Variants in PPM1H observed in about 807,000 individuals in gnomAD.
PPM1H encodes the protein protein phosphatase, Mg2+/Mn2+ dependent 1H, also known as protein phosphatase 1H.
In PPM1H, 27 loss-of-function variants were observed where a neutral mutation model predicts 54.9. The observed-to-expected ratio is 0.49, with a 90% CI of 0.36 to 0.68. The LOEUF (loss-of-function observed/expected upper bound fraction) is 0.68, where lower values mean the gene tolerates loss of function less well. Among genes scored for constraint, PPM1H ranks in the 30% least tolerant of loss-of-function variants. The pLI is 0.00. For synonymous variants in PPM1H, 305 were observed against 270.8 expected (o/e 1.13, Z -1.24); for missense variants, 596 against 667.8 (o/e 0.89, Z 1.19).
At chr12:62,930,066 G>A (rs1872086836) in intron 1 of PPM1H, among the ~76,000 whole-genome samples, 1 of 152,160 alleles carries the variant, frequency 6.6e-6, no homozygotes, top group South Asian at 2.1e-4. Flanking sequence ...GAAAGAAATA[G>A]CGGTTTTTGT....
At chr12:62,808,591 A>G (rs1307515741) in intron 2 of PPM1H, among the ~76,000 whole-genome samples, 2 of 151,998 alleles carry the variant, frequency 1.3e-5, no homozygotes, top group Non-Finnish European at 2.9e-5. Flanking sequence ...ATCTCCCCAC[A>G]TTCTAGCCCT....
intron 1 of PPM1H, among the ~76,000 whole-genome samples, chr12:62,878,761 G>A (rs929818093): frequency 2.6e-5 from 4 of 150,976 alleles, no homozygotes; most frequent in South Asian, 2.1e-4. Flanking sequence ...CCAACATGGC[G>A]AAACCCCATC....
At position 62,667,202 on chromosome 12, in the gene PPM1H, T is replaced by G. The variant is rs371593441; in HGVS notation, c.1373A>C (p.Asn458Thr). 5.6e-6 allele frequency: 9 copies of G among 1,601,176 alleles called. No homozygotes were observed. The African/African-American group carries it at 1.2e-4, about 21-fold the overall frequency. ...CCTGTGAGGATCATCTGGATCACAG[T>G]TAGGAAGAAACTGAGTGATTGCTTC... Reference protein sequence around the residue: ...VAEAITQFLPNCDPDDPHRYT... With the variant: ...VAEAITQFLPTCDPDDPHRYT... The change falls in exon 9 of 10, where the codon AAC (asparagine) becomes ACC (threonine). Residue 458 changes from asparagine (N) to threonine (T), a missense_variant. This residue lies in a region of PPM1H where 208 missense variants were observed against 259.5 expected (regional missense o/e 0.80). Coordinates refer to ENST00000228705, the MANE Select transcript of PPM1H (RefSeq NM_020700.2).
At chr12:62,830,811 T>C (rs1023560470) in intron 2 of PPM1H, among the ~76,000 whole-genome samples, 1 of 152,184 alleles carries the variant, frequency 6.6e-6, no homozygotes, top group Non-Finnish European at 1.5e-5. Flanking sequence ...AATAAATCAA[T>C]ACTTATCAAT....
chr12:62,882,527 G>A (rs1592652707), intron 1 of PPM1H, among the ~76,000 whole-genome samples: 1 of 152,238 alleles, frequency 6.6e-6, no homozygotes, highest in African/African-American at 2.4e-5. Flanking sequence ...TGGATCAGAC[G>A]CAGCCCAAGA....
chr12:62,847,406 A>C (rs1869015264), intron 1 of PPM1H, among the ~76,000 whole-genome samples: 1 of 152,226 alleles, frequency 6.6e-6, no homozygotes, highest in Admixed American at 6.5e-5. Flanking sequence ...TTAAACTGCA[A>C]GGGCCGTGAA....
rs1165779202 is a variant in PPM1H, at chr12:62,934,548, G to A, written c.189C>T (p.Arg63=). The part of the protein sequence containing the change: ...EVECSADHIA[R]PILILKETRR... ...GAGTCTCCTTGAGGATGAGGATGGG[G>A]CGGGCGATGTGGTCGGCGCTGCACT... The change falls in exon 1 of 10, where the codon CGC becomes CGT. Residue 63 remains arginine (R), a synonymous_variant. Transcript: ENST00000228705. The surrounding 1 kb of genome is among the most constrained non-coding windows in gnomAD (Gnocchi z 4.2). The A allele has an allele frequency of 3.2e-6, 5 of 1,552,606 alleles. No homozygotes were observed. The highest frequency in any genetic ancestry group is 1.4e-5 in the African/African-American group (1 of 73,122).
intron 8 of PPM1H, among the ~76,000 whole-genome samples, chr12:62,682,628 T>A (rs2076025586): frequency 6.6e-6 from 1 of 152,126 alleles, no homozygotes; most frequent in Non-Finnish European, 1.5e-5. Context: ...CTCAGTCTCC[T>A]GAGTAGCTGA....
At chr12:62,898,385 C>G (rs1871060204) in intron 1 of PPM1H, among the ~76,000 whole-genome samples, 1 of 152,036 alleles carries the variant, frequency 6.6e-6, no homozygotes, top group Admixed American at 6.5e-5. Flanking sequence ...CTCCAAGTGG[C>G]CAAAAATATT....
At chr12:62,826,010 T>G (rs553217791) in intron 2 of PPM1H, among the ~76,000 whole-genome samples, 2 of 152,268 alleles carry the variant, frequency 1.3e-5, no homozygotes, top group African/African-American at 4.8e-5. Flanking sequence ...ACAGTTATAT[T>G]ATTTTCTCTA....
chr12:62,919,371 G>A (rs1871721157), intron 1 of PPM1H, among the ~76,000 whole-genome samples: 2 of 151,430 alleles, frequency 1.3e-5, no homozygotes, highest in African/African-American at 4.9e-5. Context: ...TGTGGTCCAG[G>A]CTCCTTGAAG....
rs74396475 is a variant in PPM1H at position 62,747,917 on chromosome 12, A to T, written c.870-10331T>A. ...AGGTGGGAAAGAGAAAGAGAAAAAA[A>T]TTATACATGCACACACACACAAATA... On this transcript the variant is annotated intron_variant, in intron 4 of 9. Coordinates refer to ENST00000228705, the MANE Select transcript of PPM1H (RefSeq NM_020700.2). Among the ~76,000 whole-genome samples the T allele has an allele frequency of 9.2e-5, 14 of 152,354 alleles. No homozygotes were observed. In the East Asian group the frequency reaches 2.1e-3, roughly 23 times the overall value.
intron 9 of PPM1H, 85 bp from the exon 10 acceptor site, chr12:62,648,721 C>A: frequency 6.9e-7 from 1 of 1,443,492 alleles, no homozygotes; most frequent in South Asian, 1.2e-5. Flanking sequence ...GGGGAGGCAT[C>A]ACTACAGTTG....
intron 1 of PPM1H, among the ~76,000 whole-genome samples, chr12:62,863,466 G>T (rs748739230): frequency 5.3e-5 from 8 of 152,184 alleles, no homozygotes; most frequent in Non-Finnish European, 7.3e-5. Flanking sequence ...TGGCTAAATT[G>T]TTGATCACCT....
At chr12:62,723,113 T>C (rs2076272352) in intron 5 of PPM1H, among the ~76,000 whole-genome samples, 1 of 152,222 alleles carries the variant, frequency 6.6e-6, no homozygotes, top group Non-Finnish European at 1.5e-5. Flanking sequence ...CACAGTCCAC[T>C]GTAAAGTGTA....
intron 1 of PPM1H, among the ~76,000 whole-genome samples, chr12:62,899,644 G>A (rs1288750084): frequency 3.3e-5 from 5 of 152,172 alleles, no homozygotes; most frequent in Non-Finnish European, 7.3e-5. Context: ...CAGCTTTGCT[G>A]AGACAGATAC....
intron 1 of PPM1H, among the ~76,000 whole-genome samples, chr12:62,922,336 C>CTTTTT (rs60390481): frequency 8.4e-4 from 124 of 148,204 alleles, no homozygotes; most frequent in African/African-American, 2.7e-3. Flanking sequence ...GATAGGATGT[C>CTTTTT]TTTTTTTTTT....
chr12:62,661,621 T>A (rs1255464514), intron 9 of PPM1H, among the ~76,000 whole-genome samples: 1 of 152,248 alleles, frequency 6.6e-6, no homozygotes, highest in Admixed American at 6.5e-5. Flanking sequence ...GGTCTTGAAC[T>A]CTTGGCCTCA....
chr12:62,688,240 T>G (rs938369530), intron 8 of PPM1H, among the ~76,000 whole-genome samples: 11 of 152,074 alleles, frequency 7.2e-5, no homozygotes, highest in African/African-American at 2.2e-4. Context: ...CATCTTTGCA[T>G]AGAAATGTCA....
Sources: gnomAD v4.1 joint callset for allele counts (sites outside exome capture counted in the v4.1 genomes callset) on GRCh38, gnomAD v4.1.1 for gene constraint, gnomAD v4.1.1 regional missense constraint, Gnocchi (gnomAD v3.1) non-coding constraint, MANE v1.5 for transcripts, NCBI Gene and HGNC (gene_info 2026-07-23, HGNC 2026-07-21) for gene names.